Variants in COL13A1 observed in about 807,000 individuals in gnomAD.
COL13A1 encodes the protein collagen type XIII alpha 1 chain.
A neutral mutation model predicts 130.9 loss-of-function variants in COL13A1; 89 were observed. The observed-to-expected ratio is 0.68, with a 90% CI of 0.57 to 0.81. The LOEUF (loss-of-function observed/expected upper bound fraction) is 0.81. Among genes scored for constraint, COL13A1 ranks in the 30% least tolerant of loss-of-function variants. COL13A1 has a pLI of 0.00. For missense variants in COL13A1, 879 were observed against 934.6 expected (o/e 0.94, Z 0.78); for synonymous variants, 402 against 341.6 (o/e 1.18, Z -1.95).
intron 1 of COL13A1, among the ~76,000 whole-genome samples, chr10:69,817,361 C>T (rs1179909627): frequency 6.6e-6 from 1 of 151,316 alleles, no homozygotes; most frequent in Non-Finnish European, 1.5e-5. Flanking sequence ...GTGGTGGCTG[C>T]CTCTGGAAGC....
At chr10:69,874,585 G>A (rs1223691458) in intron 4 of COL13A1, among the ~76,000 whole-genome samples, 1 of 152,218 alleles carries the variant, frequency 6.6e-6, no homozygotes, top group Non-Finnish European at 1.5e-5. Context: ...CAGTACTGGA[G>A]GTGGCCGAGA....
rs191767740 is a variant in COL13A1 at position 69,859,092 on chromosome 10, G to T, written c.365-8706G>T. ...GTGGCTCAGTTTCCTCCACTGTTAG[G>T]TGTGGACAATAGCACACCTTGTATA... On this transcript the variant is annotated intron_variant, in intron 2 of 40. Transcript: ENST00000645393. Among the ~76,000 whole-genome samples, 5 of 152,270 alleles carry T rather than the reference G, an allele frequency of 3.3e-5. No homozygotes were observed. In the East Asian group the frequency reaches 7.7e-4, roughly 24 times the overall value.
chr10:69,902,792 A>C lies in COL13A1; in HGVS notation c.795A>C (p.Pro265=), dbSNP rs1300487420. The part of the protein sequence containing the change: ...QASIQGPPGP[P]GPPGPSGPLG... ...GCATCCAAGGTCCACCAGGGCCCCCAGGCCCCCCTGGACCAAGTGGACCTC... is the reference window on the plus strand; with the variant it reads ...GCATCCAAGGTCCACCAGGGCCCCCCGGCCCCCCTGGACCAAGTGGACCTC... The change falls in exon 15 of 41, where the codon CCA becomes CCC. Residue 265 remains proline (P), a synonymous_variant. Coordinates refer to ENST00000645393, the MANE Select transcript of COL13A1 (RefSeq NM_001368882.1). 6.4e-7 allele frequency: 1 copy of C among 1,554,494 alleles called. No homozygotes were observed. The highest frequency in any genetic ancestry group is 2.4e-5 in the East Asian group (1 of 41,156).
At chr10:69,927,801 C>T (rs1246855583) in intron 27 of COL13A1, among the ~76,000 whole-genome samples, 1 of 152,204 alleles carries the variant, frequency 6.6e-6, no homozygotes, top group Non-Finnish European at 1.5e-5. Flanking sequence ...TGTGACGTCC[C>T]AATCCCAGAA....
intron 23 of COL13A1, among the ~76,000 whole-genome samples, chr10:69,923,010 C>T (rs929955678): frequency 2.6e-5 from 4 of 152,190 alleles, no homozygotes; most frequent in Middle Eastern, 3.2e-3. Context: ...AGATGTCTTC[C>T]CTGGGGCAGA....
intron 8 of COL13A1, 35 bp downstream of exon 8, chr10:69,887,526 G>A: frequency 6.2e-7 from 1 of 1,612,588 alleles, no homozygotes; most frequent in Non-Finnish European, 8.5e-7. Flanking sequence ...CTGTGTCCCA[G>A]GTGGTCTGTA....
At chr10:69,880,471 C>T (rs948064555) in intron 6 of COL13A1, 32 bp from the exon 7 acceptor site, 27 of 1,322,342 alleles carry the variant, frequency 2.0e-5, no homozygotes, top group African/African-American at 2.9e-5. Flanking sequence ...CCCTGCCCCT[C>T]GCTCCCTCTC....
chr10:69,845,556 C>G (rs1852805928), intron 2 of COL13A1, among the ~76,000 whole-genome samples: 1 of 152,070 alleles, frequency 6.6e-6, no homozygotes, highest in Non-Finnish European at 1.5e-5. Context: ...AGTAGGCATC[C>G]CCAACCCACT....
rs532592868 is a variant in COL13A1 at position 69,802,136 on chromosome 10, G to A, written c.-288G>A. 428 of 382,906 alleles carry A rather than the reference G, an allele frequency of 1.1e-3. No individual in the cohort carries two copies. Among genetic ancestry groups the A allele is most frequent in the Non-Finnish European group, 1.7e-3 (374 of 217,478 alleles). 23.7% of individuals were successfully genotyped at this position (382,906 alleles called of 1,614,324 possible). On this transcript the variant is annotated 5_prime_UTR_variant, in exon 1 of 41. Coordinates refer to ENST00000645393, the MANE Select transcript of COL13A1 (RefSeq NM_001368882.1). ...CTTGAAGGGAAAGACTGGGCGGAGA[G>A]AAGGAGAGCCGGTCAGATTCCCCTA...
Position 69,822,355 on chromosome 10 carries a change from G to A in COL13A1, c.295-14G>A. On this transcript the variant is annotated splice_polypyrimidine_tract_variant and intron_variant, in intron 1 of 40. Coordinates refer to ENST00000645393, the MANE Select transcript of COL13A1 (RefSeq NM_001368882.1). ...GAGCTCCTGGTGACTCCTCTTGTCT[G>A]TCTCCTTGTACAGAAATGGAAGCTC... 3 of 1,569,190 alleles carry A rather than the reference G, an allele frequency of 1.9e-6. No individual in the cohort carries two copies. Among genetic ancestry groups the A allele is most frequent in the Middle Eastern group, 1.7e-4 (1 of 5,994 alleles).
intron 2 of COL13A1, among the ~76,000 whole-genome samples, chr10:69,865,788 A>G (rs2058457458): frequency 6.6e-6 from 1 of 152,100 alleles, no homozygotes; most frequent in Non-Finnish European, 1.5e-5. Flanking sequence ...TCCCAGGGGC[A>G]GGTCTGGAGA....
chr10:69,926,042 G>C, intron 26 of COL13A1, 170 bp downstream of exon 26: 1 of 591,378 alleles, frequency 1.7e-6, no homozygotes, highest in Admixed American at 3.0e-5. Flanking sequence ...ACCTCCCGCT[G>C]TGTAGCCTCC....
intron 3 of COL13A1, among the ~76,000 whole-genome samples, chr10:69,868,552 G>A (rs925331339): frequency 2.6e-5 from 4 of 152,182 alleles, no homozygotes; most frequent in Admixed American, 6.5e-5. Context: ...ACCAGAGGGC[G>A]CTGGGGGAGC....
At chr10:69,924,105 C>T (rs568802472) in intron 24 of COL13A1, among the ~76,000 whole-genome samples, 8 of 152,250 alleles carry the variant, frequency 5.3e-5, no homozygotes, top group East Asian at 3.9e-4. Flanking sequence ...CATTGGTAAA[C>T]GAGGGGCTCT....
intron 39 of COL13A1, chr10:69,956,613 C>T: frequency 4.8e-6 from 1 of 207,430 alleles, no homozygotes; most frequent in East Asian, 9.6e-5. Context: ...AAGCAACTGT[C>T]CTTGCCAAGG....
intron 17 of COL13A1, among the ~76,000 whole-genome samples, chr10:69,912,259 C>A (rs2063459405): frequency 6.6e-6 from 1 of 152,196 alleles, no homozygotes; most frequent in Non-Finnish European, 1.5e-5. Flanking sequence ...TATAAGCCAG[C>A]TGCCCTTCCA....
intron 21 of COL13A1, 141 bp downstream of exon 21, chr10:69,919,868 C>A (rs1207962755): frequency 2.5e-6 from 1 of 396,594 alleles, no homozygotes. Flanking sequence ...AGTGGCAGGA[C>A]GGCCTGGCCA....
chr10:69,893,327 G>A (rs1332644297), intron 10 of COL13A1, among the ~76,000 whole-genome samples: 1 of 152,224 alleles, frequency 6.6e-6, no homozygotes, highest in Non-Finnish European at 1.5e-5. Flanking sequence ...ACTCCATTCT[G>A]GACAACAGAG....
intron 2 of COL13A1, among the ~76,000 whole-genome samples, chr10:69,833,870 T>C (rs1452481840): frequency 6.6e-6 from 1 of 151,086 alleles, no homozygotes; most frequent in African/African-American, 2.4e-5. Flanking sequence ...AAGTTGGGGG[T>C]TGGGGAGGCA....
Sources: gnomAD v4.1 joint callset for allele counts (sites outside exome capture counted in the v4.1 genomes callset) on GRCh38, gnomAD v4.1.1 for gene constraint, MANE v1.5 for transcripts, NCBI Gene and HGNC (gene_info 2026-07-23, HGNC 2026-07-21) for gene names.